MTCH2: variants seen among roughly 807,000 people sequenced by gnomAD.
The protein encoded by MTCH2 is mitochondrial carrier homolog 2.
Under a neutral mutation model 50.6 loss-of-function variants are expected in MTCH2, and 25 were observed. The ratio of observed to expected loss-of-function variants is 0.49; its 90% CI spans 0.36 to 0.69. MTCH2 has a LOEUF of 0.69. Among genes scored for constraint, MTCH2 ranks in the 30% least tolerant of loss-of-function variants. MTCH2 has a pLI of 0.00. For synonymous variants in MTCH2, 106 were observed against 132.0 expected, an observed-to-expected ratio of 0.80 and a Z score of 1.35; for missense variants, 273 against 384.4, an observed-to-expected ratio of 0.71 and a Z score of 2.42.
chr11:47,617,213 C>T (rs921729759), downstream of MTCH2: 1 of 152,138 alleles, frequency 6.6e-6, no homozygotes. Context: ...AAACTGAAGC[C>T]TTGGCGTCCT....
At position 47,618,671 on chromosome 11, in the gene MTCH2, T is replaced by C. The variant is rs754840299; in HGVS notation, c.*162A>G. ...GGAGTATCAGTGGTAAGTTATGTTG[T>C]GCTGGAAAAAAGAACAAAAAAGGCA... On this transcript the variant is annotated 3_prime_UTR_variant, in exon 13 of 13. Coordinates refer to ENST00000302503, the MANE Select transcript of MTCH2 (RefSeq NM_014342.4). 3.9e-6 allele frequency: 2 copies of C among 508,394 alleles called. No individual in the cohort carries two copies. Among genetic ancestry groups the C allele is most frequent in the Non-Finnish European group, 6.6e-6 (2 of 305,298 alleles). 31.5% of individuals were successfully genotyped at this position (508,394 alleles called of 1,614,324 possible). A position where few individuals can be genotyped will look rare whatever the true frequency, so the allele number is the denominator to read the frequency against.
Position 47,635,421 on chromosome 11 carries a change from T to C in MTCH2, c.306+124A>G, listed in dbSNP as rs190513111. 1,164 of 1,100,648 alleles carry C rather than the reference T, an allele frequency of 1.1e-3. 4 individuals are homozygous for C. In the African/African-American group the frequency reaches 0.015, roughly 14 times the overall value. 68.2% of individuals were successfully genotyped at this position (1,100,648 alleles called of 1,614,324 possible). On this transcript the variant is annotated intron_variant, in intron 4 of 12. Coordinates refer to ENST00000302503, the MANE Select transcript of MTCH2 (RefSeq NM_014342.4). ...ACTGTCCAAACTGGTGGCCACCCCATAGGACAACACTCACTGAGATGAATA... is the reference window on the plus strand; with the variant it reads ...ACTGTCCAAACTGGTGGCCACCCCACAGGACAACACTCACTGAGATGAATA...
chr11:47,616,449 C>T (rs911753078), downstream of MTCH2, among the ~76,000 whole-genome samples: 3 of 151,974 alleles, frequency 2.0e-5, no homozygotes, highest in African/African-American at 7.3e-5. Context: ...CAGGTTCAAG[C>T]GATTCTCCTG....
chr11:47,630,072 G>A (rs561105428), intron 8 of MTCH2, among the ~76,000 whole-genome samples: 2 of 151,914 alleles, frequency 1.3e-5, no homozygotes, highest in African/African-American at 2.4e-5. Flanking sequence ...TCTGTCACCC[G>A]GGCTGGAGTA....
At position 47,638,702 on chromosome 11, in the gene MTCH2, T is replaced by C; in HGVS notation, c.276A>G (p.Leu92=). 3 of 1,613,058 alleles carry C rather than the reference T, an allele frequency of 1.9e-6. No homozygotes were observed. The highest frequency in any genetic ancestry group is 2.5e-6 in the Non-Finnish European group (3 of 1,179,100). The change falls in exon 3 of 13, where the codon TTA becomes TTG. Residue 92 remains leucine, a synonymous_variant. Coordinates refer to ENST00000302503, the MANE Select transcript of MTCH2 (RefSeq NM_014342.4). Reference sequence around the variant, plus strand: ...ATTGATTTAATTTTCCTCTTACCTGTAAAACTTTACCATGGACCACAGTTC... The same window carrying C: ...ATTGATTTAATTTTCCTCTTACCTGCAAAACTTTACCATGGACCACAGTTC... ...VLGTVVHGKV[L]QHYQESDKGE...
At chr11:47,612,592 G>A (rs1276341984), downstream of MTCH2, among the ~76,000 whole-genome samples, 2 of 151,816 alleles carry the variant, frequency 1.3e-5, no homozygotes, top group African/African-American at 2.4e-5. Context: ...ATGTGGTGGC[G>A]CACACTTGTA....
downstream of MTCH2, among the ~76,000 whole-genome samples, chr11:47,615,732 A>G (rs1335294925): frequency 6.6e-6 from 1 of 151,064 alleles, no homozygotes; most frequent in Non-Finnish European, 1.5e-5. Flanking sequence ...TTCCGATTTC[A>G]AGCGATTCTC....
At position 47,631,063 on chromosome 11, in the gene MTCH2, T is replaced by C; in HGVS notation, c.452A>G (p.Gln151Arg). The part of the protein sequence containing the change: ...FHVITLRSMV[Q>R]FIGRESKYCG... Reference sequence around the variant, plus strand: ...GTACTTGGATTCTCTGCCAATGAACTGTACCATAGATCTCAGAGTGATCAC... The same window carrying C: ...GTACTTGGATTCTCTGCCAATGAACCGTACCATAGATCTCAGAGTGATCAC... Residue 151 changes from glutamine (Q) to arginine (R), a missense_variant, in exon 7 of 13, where the codon CAG (glutamine) becomes CGG (arginine). By Grantham distance (43) the Gln-to-Arg change is conservative. This residue lies in a region of MTCH2 where 203 missense variants were observed against 244.3 expected (regional missense o/e 0.83). Coordinates refer to ENST00000302503, the MANE Select transcript of MTCH2 (RefSeq NM_014342.4). 1 of 1,613,218 alleles carries C rather than the reference T, an allele frequency of 6.2e-7. No homozygotes were observed. Among genetic ancestry groups the C allele is most frequent in the Non-Finnish European group, 8.5e-7 (1 of 1,179,202 alleles).
intron 1 of MTCH2, among the ~76,000 whole-genome samples, chr11:47,641,733 TTTCA>T (rs1376398451): frequency 3.3e-5 from 5 of 152,182 alleles, no homozygotes; most frequent in Admixed American, 6.6e-5. Context: ...CAAATGTGAT[TTTCA>T]TTGTCAGGAG....
intron 11 of MTCH2, among the ~76,000 whole-genome samples, chr11:47,623,790 G>A (rs890331281): frequency 6.6e-6 from 1 of 152,130 alleles, no homozygotes; most frequent in Non-Finnish European, 1.5e-5. Context: ...AGTGGCTCAC[G>A]CCTGTAATCC....
chr11:47,638,664 C>T, intron 3 of MTCH2, 35 bp downstream of exon 3: 1 of 1,513,962 alleles, frequency 6.6e-7, no homozygotes, highest in Non-Finnish European at 9.1e-7. Flanking sequence ...AGGTAAGCAA[C>T]ATCTATGGGA....
At chr11:47,629,278 C>T (rs1360277167) in intron 8 of MTCH2, 1 of 485,894 alleles carries the variant, frequency 2.1e-6, no homozygotes, top group Non-Finnish European at 3.8e-6. Flanking sequence ...TGCAGGTCGG[C>T]TATACCCTCA....
At chr11:47,613,654 T>G (rs1392408355), downstream of MTCH2, among the ~76,000 whole-genome samples, 1 of 152,222 alleles carries the variant, frequency 6.6e-6, no homozygotes, top group Non-Finnish European at 1.5e-5. Context: ...CATTTCTATT[T>G]TCAGTTGTTT....
intron 12 of MTCH2, among the ~76,000 whole-genome samples, chr11:47,620,250 C>A (rs2097292081): frequency 6.6e-6 from 1 of 151,870 alleles, no homozygotes; most frequent in Admixed American, 6.6e-5. Flanking sequence ...ACGTTGTGCA[C>A]ATGTACCCTA....
downstream of MTCH2, among the ~76,000 whole-genome samples, chr11:47,612,478 G>A (rs919330569): frequency 7.9e-5 from 12 of 152,002 alleles, no homozygotes; most frequent in African/African-American, 2.9e-4. Flanking sequence ...GACGCAGAAT[G>A]GTGTGAACCT....
intron 10 of MTCH2, among the ~76,000 whole-genome samples, chr11:47,626,310 G>T (rs1342902177): frequency 4.0e-5 from 6 of 150,140 alleles, no homozygotes; most frequent in African/African-American, 1.5e-4. Context: ...TTACAGGAGT[G>T]AGCCACCGCG....
chr11:47,632,097 G>C (rs1805364500), intron 5 of MTCH2, among the ~76,000 whole-genome samples: 1 of 152,046 alleles, frequency 6.6e-6, no homozygotes, highest in Non-Finnish European at 1.5e-5. Context: ...TTATTGGTAA[G>C]TGATTTTGGA....
the MTCH2 span, among the ~76,000 whole-genome samples, chr11:47,605,223 C>T: frequency 1.3e-5 from 2 of 152,100 alleles, no homozygotes; most frequent in African/African-American, 2.4e-5. Flanking sequence ...CCACCGTGCC[C>T]GGCTGTCTCC....
intron 6 of MTCH2, 44 bp downstream of exon 6, chr11:47,631,610 G>A (rs2097303109): frequency 6.3e-7 from 1 of 1,594,802 alleles, no homozygotes; most frequent in African/African-American, 1.3e-5. Context: ...GGTCAGGAGA[G>A]ATCAGGTTAT....
Sources: gnomAD v4.1 joint callset for allele counts (sites outside exome capture counted in the v4.1 genomes callset) on GRCh38, gnomAD v4.1.1 for gene constraint, gnomAD v4.1.1 regional missense constraint, MANE v1.5 for transcripts, NCBI Gene and HGNC (gene_info 2026-07-23, HGNC 2026-07-21) for gene names.